Variants in CREBBP observed in about 807,000 individuals in gnomAD.
CREBBP encodes CREB binding lysine acetyltransferase, also known as CREB-binding protein.
A neutral mutation model predicts 265.0 loss-of-function variants in CREBBP; 19 were observed. The ratio of observed to expected loss-of-function variants is 0.07; its 90% CI spans 0.05 to 0.11. The LOEUF is 0.11. Ranked by LOEUF, CREBBP falls within the 10% of genes least tolerant of loss-of-function variation. The probability of loss-of-function intolerance (pLI) is 1.00; values close to 1 mark genes in which losing one functional copy is unlikely to be tolerated. For missense variants in CREBBP, 2,525 were observed against 3,219.0 expected (o/e 0.78, Z 5.22); for synonymous variants, 1,457 against 1,223.7 (o/e 1.19, Z -3.98).
chr16:3,836,001 A>AG (rs1217090190), intron 2 of CREBBP, among the ~76,000 whole-genome samples: 1 of 152,322 alleles, frequency 6.6e-6, no homozygotes, highest in African/African-American at 2.4e-5. Flanking sequence ...AAAAAGAACT[A>AG]GTTCATGCCA....
intron 1 of CREBBP, among the ~76,000 whole-genome samples, chr16:3,865,257 A>C (rs929151869): frequency 1.3e-5 from 2 of 152,230 alleles, no homozygotes; most frequent in African/African-American, 4.8e-5. Context: ...CTGTCCGCAT[A>C]ACTTTACAAG....
chr16:3,758,922 G>A lies in CREBBP; in HGVS notation c.3301C>T (p.Leu1101=), dbSNP rs766505219. The change falls in exon 17 of 31, where the codon CTG becomes TTG. Residue 1101 remains leucine, a synonymous_variant. Coordinates refer to ENST00000262367, the MANE Select transcript of CREBBP (RefSeq NM_004380.3). ...AATGACTCTGGGTCCTGTCGATACAGTGCTTCTAGGGTTGGCATGAGGGCC... is the reference window on the plus strand; with the variant it reads ...AATGACTCTGGGTCCTGTCGATACAATGCTTCTAGGGTTGGCATGAGGGCC... ...RQALMPTLEA[L]YRQDPESLPF... 8.7e-6 allele frequency: 14 copies of A among 1,613,174 alleles called. 1 individual carries two copies. The Admixed American group carries it at 1.7e-4, about 19-fold the overall frequency.
At chr16:3,848,806 T>C (rs561771102) in intron 2 of CREBBP, among the ~76,000 whole-genome samples, 9 of 152,320 alleles carry the variant, frequency 5.9e-5, no homozygotes, top group African/African-American at 7.2e-5. Context: ...TCCTTCTCAA[T>C]TGACACACTC....
In CREBBP at chr16:3,729,250, C is replaced by T. The variant is rs1024044771; in HGVS notation, c.5797G>A (p.Val1933Met). 2 of 1,528,362 alleles carry T rather than the reference C, an allele frequency of 1.3e-6. No individual in the cohort carries two copies. Among genetic ancestry groups the T allele is most frequent in the Non-Finnish European group, 1.8e-6 (2 of 1,142,538 alleles). 94.7% of individuals were successfully genotyped at this position (1,528,362 alleles called of 1,614,324 possible). ...SVARTQPPTT[V>M]STGKPTSQVP... ...TGGCTGGTAGGCTTCCCTGTGGACA[C>T]CGTGGTGGGGGGCTGAGTCCGGGCC... The change falls in exon 31 of 31, where the codon GTG becomes ATG. Residue 1933 changes from valine to methionine, a missense_variant. This residue lies in a region of CREBBP where 275 missense variants were observed against 276.5 expected (regional missense o/e 0.99). Coordinates refer to ENST00000262367, the MANE Select transcript of CREBBP (RefSeq NM_004380.3).
At chr16:3,794,937 A>C (rs987811201) in intron 3 of CREBBP, among the ~76,000 whole-genome samples, 1 of 152,254 alleles carries the variant, frequency 6.6e-6, no homozygotes, top group Admixed American at 6.5e-5. Context: ...CGGATTTTTT[A>C]AAAATGTATG....
intron 3 of CREBBP, among the ~76,000 whole-genome samples, chr16:3,799,975 T>C (rs1449700536): frequency 6.6e-6 from 1 of 152,086 alleles, no homozygotes; most frequent in African/African-American, 2.4e-5. Context: ...ATCAGACGAA[T>C]CAGTAAGAAA....
intron 2 of CREBBP, among the ~76,000 whole-genome samples, chr16:3,845,796 CG>C (rs1315613873): frequency 2.7e-5 from 4 of 147,752 alleles, no homozygotes; most frequent in African/African-American, 1.0e-4. Flanking sequence ...CTGAGGCAGG[CG>C]GATCACCTGA....
At chr16:3,813,423 C>A (rs1369787916) in intron 2 of CREBBP, among the ~76,000 whole-genome samples, 1 of 152,168 alleles carries the variant, frequency 6.6e-6, no homozygotes, top group African/African-American at 2.4e-5. Context: ...CTTCAACTGT[C>A]ATCTGAAACT....
Position 3,775,474 on chromosome 16 carries a change from C to A in CREBBP, c.2159-781G>T, listed in dbSNP as rs541388502. 2.6e-5 allele frequency among the ~76,000 whole-genome samples: 4 copies of A among 152,290 alleles called. No homozygotes were observed. In the South Asian group the frequency reaches 8.3e-4, roughly 32 times the overall value. ...GGACCAACACTAGAATCTGACAGAA[C>A]CCTTTAGAGAATTTCTGGAAGGTGC... On this transcript the variant is annotated intron_variant, in intron 11 of 30. Transcript: ENST00000262367.
rs910012180 is a variant in CREBBP, at chr16:3,810,907, G to T, written c.799-128C>A. 3.5e-5 allele frequency: 32 copies of T among 924,134 alleles called. No homozygotes were observed. In the South Asian group the frequency reaches 4.4e-4, roughly 13 times the overall value. The allele number at this position is 924,134 out of a possible 1,614,324, so 57.2% of individuals were successfully genotyped here. A position where few individuals can be genotyped will look rare whatever the true frequency, so the allele number is the denominator to read the frequency against. On this transcript the variant is annotated intron_variant, in intron 2 of 30. Coordinates refer to ENST00000262367, the MANE Select transcript of CREBBP (RefSeq NM_004380.3). ...TGATAAATTCAAGGTTCATTATCAGGTTCACATGCTCCAAGCAGAAGGCTC... is the reference window on the plus strand; with the variant it reads ...TGATAAATTCAAGGTTCATTATCAGTTTCACATGCTCCAAGCAGAAGGCTC...
chr16:3,737,455 C>CTTT (rs111941103), intron 26 of CREBBP, among the ~76,000 whole-genome samples: 1 of 142,568 alleles, frequency 7.0e-6, no homozygotes, highest in African/African-American at 2.6e-5. Context: ...TTTCTTTTTT[C>CTTT]TTTTTTTTTT....
intron 2 of CREBBP, among the ~76,000 whole-genome samples, chr16:3,827,196 G>GA (rs373795320): frequency 8.6e-4 from 118 of 137,824 alleles, no homozygotes; most frequent in African/African-American, 1.7e-3. Flanking sequence ...AAAATGAAAA[G>GA]AAAAAAAAAA....
intron 28 of CREBBP, 72 bp from the exon 29 acceptor site, chr16:3,732,009 G>A (rs1188665164): frequency 6.2e-7 from 1 of 1,612,010 alleles, no homozygotes; most frequent in South Asian, 1.1e-5. Context: ...CCAGCTCCCA[G>A]GCCGTGGGCA....
intron 28 of CREBBP, among the ~76,000 whole-genome samples, chr16:3,735,458 G>A (rs1197179707): frequency 6.6e-6 from 1 of 152,072 alleles, no homozygotes; most frequent in Non-Finnish European, 1.5e-5. Flanking sequence ...TCCCACAACC[G>A]GCTAAATTTT....
At chr16:3,792,445 A>G (rs1379817658) in intron 4 of CREBBP, among the ~76,000 whole-genome samples, 1 of 152,252 alleles carries the variant, frequency 6.6e-6, no homozygotes, top group East Asian at 1.9e-4. Flanking sequence ...AAAATGTTCA[A>G]TTATGTTTCA....
chr16:3,770,865 G>A lies in CREBBP; in HGVS notation c.2585C>T (p.Thr862Met), dbSNP rs772653113. 11 of 1,613,796 alleles carry A rather than the reference G, an allele frequency of 6.8e-6. No homozygotes were observed. Among genetic ancestry groups the A allele is most frequent in the South Asian group, 5.5e-5 (5 of 91,074 alleles). The change falls in exon 14 of 31, where the codon ACG becomes ATG. Residue 862 changes from threonine (T) to methionine (M), a missense_variant. This residue lies in a region of CREBBP where 548 missense variants were observed against 533.0 expected (regional missense o/e 1.03). Transcript: ENST00000262367. ...PLHPTPPPASTAAGMPSLQHT... is the reference protein window; with the variant it reads ...PLHPTPPPASMAAGMPSLQHT... ...CTGGAGAGATGGCATGCCAGCAGCC[G>A]TGGAAGCAGGAGGCGGTGTTGGGTG...
rs771282687 is a variant in CREBBP, at chr16:3,778,828, AAC to A, written c.1824-13_1824-12del. ...AAGATGGCTTGGACGCTGAAAGGAT[AAC>A]ACATCTATCAAACTACTTTTTTTTT... On this transcript the variant is annotated splice_polypyrimidine_tract_variant and intron_variant, in intron 8 of 30. Transcript: ENST00000262367. 6.2e-7 allele frequency: 1 copy of A among 1,610,568 alleles called. No homozygotes were observed. The highest frequency in any genetic ancestry group is 1.3e-5 in the African/African-American group (1 of 74,846).
At position 3,736,159 on chromosome 16, in the gene CREBBP, C is replaced by G. The variant is rs1567269387; in HGVS notation, c.4605G>C (p.Lys1535Asn). 6.2e-7 allele frequency: 1 copy of G among 1,614,226 alleles called. No individual in the cohort carries two copies. The highest frequency in any genetic ancestry group is 1.3e-5 in the African/African-American group (1 of 75,058). Residue 1535 changes from lysine (K) to asparagine (N), a missense_variant, in exon 28 of 31, where the codon AAG becomes AAC. Lys to Asn is a moderately conservative substitution (Grantham distance 94, BLOSUM62 0). Transcript: ENST00000262367. ...QATEDRLTSA[K>N]ELPYFEGDFW... is the part of the protein sequence containing the mutation. ...AATCACCTTCAAAATAGGGCAGTTC[C>G]TTGGCACTGGTGAGCCTGTCTTCAG...
At chr16:3,834,752 T>C (rs150878005) in intron 2 of CREBBP, among the ~76,000 whole-genome samples, 303 of 152,156 alleles carry the variant, frequency 2.0e-3, no homozygotes, top group African/African-American at 6.9e-3. Context: ...TTGGGGAGGA[T>C]GTTGAAAATG....
Sources: allele counts gnomAD v4.1 joint callset (sites outside exome capture counted in the v4.1 genomes callset), GRCh38; gene constraint gnomAD v4.1.1; regional missense constraint gnomAD v4.1.1; transcripts MANE v1.5; gene names NCBI Gene and HGNC (gene_info 2026-07-23, HGNC 2026-07-21).